Variants in AGO2 observed in about 807,000 individuals in gnomAD.
AGO2 encodes the protein argonaute RISC catalytic component 2, also known as protein argonaute-2.
A neutral mutation model predicts 102.3 loss-of-function variants in AGO2; 5 were observed. The observed-to-expected ratio is 0.05, with a 90% confidence interval of 0.03 to 0.10. AGO2 has a LOEUF of 0.10. AGO2 is among the 10% of genes least tolerant of loss of function. The pLI is 1.00. For synonymous variants in AGO2, 449 were observed against 473.1 expected, an observed-to-expected ratio of 0.95 and a Z score of 0.66; for missense variants, 541 against 1,183.7, an observed-to-expected ratio of 0.46 and a Z score of 7.97.
At chr8:140,594,825 C>CTGTGTGTGTG (rs56012516) in intron 1 of AGO2, among the ~76,000 whole-genome samples, 4,027 of 146,092 alleles carry the variant, frequency 0.028, 157 homozygotes, top group African/African-American at 0.089. Flanking sequence ...AAGAAAAAAA[C>CTGTGTGTGTG]TGTGTGTGTG....
intron 1 of AGO2, among the ~76,000 whole-genome samples, chr8:140,615,756 G>T (rs560874940): frequency 2.0e-5 from 3 of 152,216 alleles, no homozygotes; most frequent in Non-Finnish European, 4.4e-5. Context: ...CTCTCCACGC[G>T]GCTTCGCCAC....
chr8:140,629,476 G>A (rs1179702047), intron 1 of AGO2, among the ~76,000 whole-genome samples: 2 of 152,184 alleles, frequency 1.3e-5, no homozygotes, highest in East Asian at 1.9e-4. Flanking sequence ...GAGACCACAC[G>A]AGGAGATGCG....
chr8:140,585,665 C>CTTCCTGAGT (rs2073645170), intron 1 of AGO2, among the ~76,000 whole-genome samples: 1 of 152,208 alleles, frequency 6.6e-6, no homozygotes, highest in South Asian at 2.1e-4. Context: ...CTCGTTTACT[C>CTTCCTGAGT]AGGAAGCGCT....
intron 1 of AGO2, among the ~76,000 whole-genome samples, chr8:140,621,128 T>G (rs1316365607): frequency 1.3e-5 from 2 of 152,162 alleles, no homozygotes; most frequent in African/African-American, 4.8e-5. Flanking sequence ...ACAGTTGCCC[T>G]CACAGGTGCC....
chr8:140,551,520 TC>T (rs1408428247), intron 10 of AGO2, 84 bp from the exon 11 acceptor site: 2 of 1,357,784 alleles, frequency 1.5e-6, no homozygotes, highest in Non-Finnish European at 9.6e-7. Flanking sequence ...TCACTGTTGG[TC>T]CCCCTGACCA....
rs1434877095 is a variant in AGO2 at position 140,521,830 on chromosome 8, G to A, written c.*10214C>T. 1 of 152,192 alleles carries A rather than the reference G, an allele frequency of 6.6e-6. No individual in the cohort carries two copies. The highest frequency in any genetic ancestry group is 1.5e-5 in the Non-Finnish European group (1 of 68,026). The allele number at this position is 152,192 out of a possible 1,614,324, so 9.4% of individuals were successfully genotyped here. ...CTTATGAAATAAACTCTTAGAAAAT[G>A]TGCCAGAGGAAGAGGGGGCATGAAT... On this transcript the variant is annotated 3_prime_UTR_variant, in exon 19 of 19. Transcript: ENST00000220592.
intron 3 of AGO2, among the ~76,000 whole-genome samples, chr8:140,564,014 C>T (rs1290571731): frequency 6.6e-6 from 1 of 152,100 alleles, no homozygotes; most frequent in Non-Finnish European, 1.5e-5. Flanking sequence ...CTGGCAGACG[C>T]CCACGAGCCC....
chr8:140,549,956 A>C (rs968763419), intron 11 of AGO2, among the ~76,000 whole-genome samples: 1 of 152,130 alleles, frequency 6.6e-6, no homozygotes, highest in East Asian at 1.9e-4. Context: ...AGGACACGGC[A>C]CTCCAACCCA....
rs1207899377 is a variant in AGO2, at chr8:140,529,123, T to C, written c.*2921A>G. On this transcript the variant is annotated 3_prime_UTR_variant, in exon 19 of 19. Coordinates refer to ENST00000220592, the MANE Select transcript of AGO2 (RefSeq NM_012154.5). ...CAGTTTGCTTAAAGCAAGGCACACC[T>C]TACTTAACAGTGGGATGGGGACAAA... 2 of 152,220 alleles carry C rather than the reference T, an allele frequency of 1.3e-5. No homozygotes were observed. The highest frequency in any genetic ancestry group is 4.8e-5 in the African/African-American group (2 of 41,460). 9.4% of individuals were successfully genotyped at this position (152,220 alleles called of 1,614,324 possible). A position where few individuals can be genotyped will look rare whatever the true frequency, so the allele number is the denominator to read the frequency against.
At chr8:140,634,242 A>G (rs1319781578) in intron 1 of AGO2, among the ~76,000 whole-genome samples, 10 of 152,282 alleles carry the variant, frequency 6.6e-5, no homozygotes, top group Non-Finnish European at 2.9e-5. Context: ...GACATTCGCA[A>G]GGCACAGAGC....
At chr8:140,547,654 C>T in intron 12 of AGO2, 27 bp from the exon 13 acceptor site, 1 of 1,592,514 alleles carries the variant, frequency 6.3e-7, no homozygotes, top group Non-Finnish European at 8.6e-7. Flanking sequence ...GCACACACAG[C>T]TCTGCCGGCG....
At chr8:140,618,017 AG>A (rs911064504) in intron 1 of AGO2, among the ~76,000 whole-genome samples, 1 of 147,398 alleles carries the variant, frequency 6.8e-6, no homozygotes. Context: ...AAAAAAAAAA[AG>A]TTGGGCCAGG....
At chr8:140,607,121 T>C (rs969480777) in intron 1 of AGO2, among the ~76,000 whole-genome samples, 8 of 152,002 alleles carry the variant, frequency 5.3e-5, no homozygotes, top group African/African-American at 1.9e-4. Context: ...TGGTGGTGCA[T>C]GCTTGTAACC....
chr8:140,532,272 C>T (rs2072611718), intron 18 of AGO2, 120 bp from the exon 19 acceptor site: 4 of 1,375,944 alleles, frequency 2.9e-6, no homozygotes, highest in Non-Finnish European at 3.0e-6. Context: ...GAGTCCCACG[C>T]TGACGGCCGT....
intron 1 of AGO2, among the ~76,000 whole-genome samples, chr8:140,627,237 C>T (rs973656670): frequency 3.3e-5 from 5 of 152,358 alleles, no homozygotes; most frequent in Middle Eastern, 3.4e-3. Context: ...AAAGCACCCT[C>T]GAGTCCTCCA....
Position 140,635,583 on chromosome 8 carries a change from G to A in AGO2, c.-77C>T. Reference sequence around the variant, plus strand: ...CGGGCCCCGACGCCGCGAGCCGCGAGGGAGCCGCCGGCCGCACGATCCGCC... The same window carrying A: ...CGGGCCCCGACGCCGCGAGCCGCGAAGGAGCCGCCGGCCGCACGATCCGCC... On this transcript the variant is annotated 5_prime_UTR_variant, in exon 1 of 19. Transcript: ENST00000220592. 1.1e-6 allele frequency: 1 copy of A among 941,200 alleles called. No individual in the cohort carries two copies. Among genetic ancestry groups the A allele is most frequent in the Non-Finnish European group, 1.3e-6 (1 of 792,736 alleles). 58.3% of individuals were successfully genotyped at this position (941,200 alleles called of 1,614,324 possible).
At chr8:140,562,241 G>A (rs914812554) in intron 4 of AGO2, among the ~76,000 whole-genome samples, 1 of 152,258 alleles carries the variant, frequency 6.6e-6, no homozygotes, top group East Asian at 1.9e-4. Context: ...CCAACGTTCC[G>A]GGCCAGGCCG....
intron 1 of AGO2, among the ~76,000 whole-genome samples, chr8:140,607,616 TG>T (rs2074021396): frequency 6.6e-6 from 1 of 151,254 alleles, no homozygotes; most frequent in Non-Finnish European, 1.5e-5. Context: ...TGAAAAGGAA[TG>T]GGGCACTGGC....
rs1469022445 is a variant in AGO2, at chr8:140,525,040, C to G, written c.*7004G>C. On this transcript the variant is annotated 3_prime_UTR_variant, in exon 19 of 19. Coordinates refer to ENST00000220592, the MANE Select transcript of AGO2 (RefSeq NM_012154.5). Reference sequence around the variant, plus strand: ...GAGATAACTCAGCCTCTTCCTACCCCCCAAAAGGGGGCTGGGGGCTGAGGT... The same window carrying G: ...GAGATAACTCAGCCTCTTCCTACCCGCCAAAAGGGGGCTGGGGGCTGAGGT... 6.6e-6 allele frequency: 1 copy of G among 152,202 alleles called. No individual in the cohort carries two copies. Among genetic ancestry groups the G allele is most frequent in the South Asian group, 2.1e-4 (1 of 4,828 alleles). 9.4% of individuals were successfully genotyped at this position (152,202 alleles called of 1,614,324 possible).
Sources: allele counts gnomAD v4.1 joint callset (sites outside exome capture counted in the v4.1 genomes callset), GRCh38; gene constraint gnomAD v4.1.1; transcripts MANE v1.5; gene names NCBI Gene and HGNC (gene_info 2026-07-23, HGNC 2026-07-21).